Variants in TYSND1 observed in about 807,000 individuals in gnomAD.
TYSND1 encodes peroxisomal leader peptide-processing protease.
TYSND1 carries 30 observed loss-of-function variants against 37.2 expected under a neutral mutation model. That is an observed-to-expected ratio of 0.81 (90% confidence interval 0.60 to 1.09). The LOEUF (loss-of-function observed/expected upper bound fraction) is 1.09, where lower values mean the gene tolerates loss of function less well. TYSND1 is among the 50% of genes least tolerant of loss of function. The probability of loss-of-function intolerance (pLI) is 0.00; values close to 1 mark genes in which losing one functional copy is unlikely to be tolerated. For missense variants in TYSND1, 806 were observed against 817.4 expected (o/e 0.99, Z 0.17); for synonymous variants, 364 against 383.8 (o/e 0.95, Z 0.60).
In TYSND1 at chr10:70,145,177, G is replaced by A. The variant is rs531464041; in HGVS notation, c.1166+244C>T. On this transcript the variant is annotated intron_variant, in intron 1 of 3. Coordinates refer to ENST00000287078, the MANE Select transcript of TYSND1 (RefSeq NM_173555.4). Reference sequence around the variant, plus strand: ...GGGGAGCTCAAAGATGCCCTGTTCCGGATTCAGGGTGTCCCACAGTACCCA... The same window carrying A: ...GGGGAGCTCAAAGATGCCCTGTTCCAGATTCAGGGTGTCCCACAGTACCCA... 6.8e-4 allele frequency among the ~76,000 whole-genome samples: 103 copies of A among 152,244 alleles called. 3 individuals are homozygous for A. In the South Asian group the frequency reaches 0.021, roughly 31 times the overall value.
intron 3 of TYSND1, among the ~76,000 whole-genome samples, chr10:70,140,738 T>C (rs996752014): frequency 1.3e-5 from 2 of 152,204 alleles, no homozygotes; most frequent in African/African-American, 4.8e-5. Context: ...AACCAAAACA[T>C]ATACCTTGGT....
At chr10:70,145,339 G>C (rs922730257) in intron 1 of TYSND1, 82 bp downstream of exon 1, 1 of 1,245,388 alleles carries the variant, frequency 8.0e-7, no homozygotes, top group Non-Finnish European at 1.0e-6. Context: ...AGAAAGGCCT[G>C]CACAATACTC....
intron 2 of TYSND1, among the ~76,000 whole-genome samples, chr10:70,143,511 T>C (rs2072820944): frequency 6.6e-6 from 1 of 152,232 alleles, no homozygotes; most frequent in South Asian, 2.1e-4. Context: ...TCAGTACTTA[T>C]GTGGCAGCAT....
intron 3 of TYSND1, among the ~76,000 whole-genome samples, 171 bp from the exon 4 acceptor site, chr10:70,140,312 C>A (rs1251672258): frequency 6.6e-6 from 1 of 152,204 alleles, no homozygotes; most frequent in African/African-American, 2.4e-5. Context: ...TGCCCACACC[C>A]TTTCCTGGCT....
At position 70,146,448 on chromosome 10, in the gene TYSND1, G is replaced by C; in HGVS notation, c.139C>G (p.Leu47Val). ...GGGACGAAGATGCCCCCGTGGCAAA[G>C]CACCAGGCCCGGGCTACGGCTCAGG... is the stretch of plus-strand genomic sequence containing the variant. ...VILSRSPGLV[L>V]CHGGIFVPFL... Residue 47 changes from leucine (L) to valine (V), a missense_variant, in exon 1 of 4, where the codon CTT becomes GTT. By Grantham distance (32) the Leu-to-Val change is conservative. Transcript: ENST00000287078. The C allele has an allele frequency of 1.2e-6, 2 of 1,603,988 alleles. No individual in the cohort carries two copies. Among genetic ancestry groups the C allele is most frequent in the Non-Finnish European group, 1.7e-6 (2 of 1,178,752 alleles).
chr10:70,140,674 T>C (rs914672532), intron 3 of TYSND1, among the ~76,000 whole-genome samples: 1 of 152,230 alleles, frequency 6.6e-6, no homozygotes, highest in African/African-American at 2.4e-5. Flanking sequence ...TATATACCCT[T>C]TGACCAGCTT....
intron 1 of TYSND1, chr10:70,144,911 ACGT>A (rs2072855328): frequency 2.6e-6 from 1 of 379,804 alleles, no homozygotes; most frequent in Non-Finnish European, 3.6e-6. Flanking sequence ...CCTTCTGATT[ACGT>A]AGAAACTCAC....
At position 70,146,689 on chromosome 10, in the gene TYSND1, T is replaced by C. The variant is rs1357223066; in HGVS notation, c.-103A>G. On this transcript the variant is annotated 5_prime_UTR_variant, in exon 1 of 4. Coordinates refer to ENST00000287078, the MANE Select transcript of TYSND1 (RefSeq NM_173555.4). The stretch of plus-strand genomic sequence containing the variant: ...GAAGCTGCCTAGCGCCACCCACAGC[T>C]GGAAGCGAGAGGCGCAAGCTCTGAC... 3.3e-6 allele frequency: 4 copies of C among 1,219,924 alleles called. No individual in the cohort carries two copies. Among genetic ancestry groups the C allele is most frequent in the African/African-American group, 3.2e-5 (2 of 63,010 alleles). The allele number at this position is 1,219,924 out of a possible 1,614,324, so 75.6% of individuals were successfully genotyped here.
At position 70,145,755 on chromosome 10, in the gene TYSND1, G is replaced by A; in HGVS notation, c.832C>T (p.Leu278=). 7.0e-7 allele frequency: 1 copy of A among 1,436,876 alleles called. No individual in the cohort carries two copies. The highest frequency in any genetic ancestry group is 9.0e-7 in the Non-Finnish European group (1 of 1,105,158). 89.0% of individuals were successfully genotyped at this position (1,436,876 alleles called of 1,614,324 possible). A position where few individuals can be genotyped will look rare whatever the true frequency, so the allele number is the denominator to read the frequency against. ...TARPAGALVA[L]VVAPLCWKAG... ...TTCCAACAGAGCGGCGCCACCACCA[G>A]CGCCACCAGCGCCCCCGCGGGCCGC... The change falls in exon 1 of 4, where the codon CTG becomes TTG. Residue 278 remains leucine, a synonymous_variant. Transcript: ENST00000287078.
rs763767085 is a variant in TYSND1, at chr10:70,139,908, A to C, written c.*16T>G. ...AGAAAAAGGTCACTCTTCTTTCCAA[A>C]GGTGGTAACACAGCCTCAGAGCTTG... On this transcript the variant is annotated 3_prime_UTR_variant, in exon 4 of 4. Transcript: ENST00000287078. 41 of 1,605,580 alleles carry C rather than the reference A, an allele frequency of 2.6e-5. No individual in the cohort carries two copies. The highest frequency in any genetic ancestry group is 3.4e-5 in the Non-Finnish European group (40 of 1,175,198).
intron 2 of TYSND1, among the ~76,000 whole-genome samples, 168 bp from the exon 3 acceptor site, chr10:70,143,021 G>A (rs1355374129): frequency 3.9e-5 from 6 of 152,216 alleles, no homozygotes; most frequent in African/African-American, 1.2e-4. Context: ...TCCCCTGGCT[G>A]GAAGAGGCTG....
At chr10:70,142,903 G>C (rs779621362) in intron 2 of TYSND1, 50 bp from the exon 3 acceptor site, 2 of 1,589,896 alleles carry the variant, frequency 1.3e-6, no homozygotes, top group Non-Finnish European at 1.7e-6. Context: ...TGTTACAGCA[G>C]GACTCACACT....
In TYSND1 at chr10:70,139,948, T is replaced by C. The variant is rs768908211; in HGVS notation, c.1677A>G (p.Ala559=). 5.6e-6 allele frequency: 9 copies of C among 1,613,492 alleles called. No individual in the cohort carries two copies. Among genetic ancestry groups the C allele is most frequent in the Non-Finnish European group, 7.6e-6 (9 of 1,179,856 alleles). ...RVVWRLQRPL[A]EAPRSKL is the part of the protein sequence containing the mutation. ...CTCAGAGCTTGCTCCGCGGGGCCTC[T>C]GCCAGGGGCCGCTGCAACCGCCACA... The change falls in exon 4 of 4, where the codon GCA becomes GCG. Residue 559 remains alanine, a synonymous_variant. Coordinates refer to ENST00000287078, the MANE Select transcript of TYSND1 (RefSeq NM_173555.4).
At chr10:70,142,962 CT>C in intron 2 of TYSND1, 109 bp from the exon 3 acceptor site, 1 of 1,274,808 alleles carries the variant, frequency 7.8e-7, no homozygotes, top group African/African-American at 1.5e-5. Context: ...CCTCTCCACC[CT>C]TCAAGTTTCT....
intron 3 of TYSND1, among the ~76,000 whole-genome samples, chr10:70,140,730 C>T (rs1421917379): frequency 6.6e-6 from 1 of 152,192 alleles, no homozygotes; most frequent in Non-Finnish European, 1.5e-5. Flanking sequence ...TTTATCAAAA[C>T]CAAAACATAT....
chr10:70,145,296 C>A (rs942985466), intron 1 of TYSND1, 125 bp downstream of exon 1: 13 of 935,742 alleles, frequency 1.4e-5, no homozygotes, highest in African/African-American at 3.4e-5. Flanking sequence ...CAGGTCTCTA[C>A]CCACTACACG....
In TYSND1 at chr10:70,142,781, A is replaced by T. The variant is rs766545533; in HGVS notation, c.1370T>A (p.Leu457His). The change falls in exon 3 of 4, where the codon CTT becomes CAT. Residue 457 changes from leucine (L) to histidine (H), a missense_variant. This residue lies in a region of TYSND1 where 708 missense variants were observed against 705.4 expected (regional missense o/e 1.00). Coordinates refer to ENST00000287078, the MANE Select transcript of TYSND1 (RefSeq NM_173555.4). ...GCCATTCACCTGCACCACAGCCGAA[A>T]GGATGCCTGAGGTCACCGAGGGCCC... ...SCGPSVTSGI[L>H]SAVVQVNGTP... is the part of the protein sequence containing the mutation. 3.1e-6 allele frequency: 5 copies of T among 1,614,174 alleles called. No individual in the cohort carries two copies. The South Asian group carries it at 5.5e-5, about 18-fold the overall frequency.
intron 1 of TYSND1, among the ~76,000 whole-genome samples, chr10:70,145,075 A>C (rs1230653846): frequency 6.6e-6 from 1 of 152,168 alleles, no homozygotes; most frequent in African/African-American, 2.4e-5. Context: ...TCTCTGTTCA[A>C]AGGGCCAGAG....
In TYSND1 at chr10:70,140,161, C is replaced by T. The variant is rs377647795; in HGVS notation, c.1484-20G>A. On this transcript the variant is annotated intron_variant, in intron 3 of 3. Transcript: ENST00000287078. ...TTATGCCTGTTGAGGAGTCAGAGAG[C>T]AAAAGAGGATGTGAGCCAGGGGGCA... The T allele has an allele frequency of 1.3e-5, 21 of 1,577,924 alleles. No homozygotes were observed. Among genetic ancestry groups the T allele is most frequent in the Admixed American group, 3.4e-5 (2 of 58,538 alleles).
Sources: gnomAD v4.1 joint callset for allele counts (sites outside exome capture counted in the v4.1 genomes callset) on GRCh38, gnomAD v4.1.1 for gene constraint, gnomAD v4.1.1 regional missense constraint, MANE v1.5 for transcripts, NCBI Gene and HGNC (gene_info 2026-07-23, HGNC 2026-07-21) for gene names.